CACNA1A: variants seen among roughly 807,000 people sequenced by gnomAD.
CACNA1A encodes the protein voltage-dependent P/Q-type calcium channel subunit alpha-1A.
Under a neutral mutation model 262.4 loss-of-function variants are expected in CACNA1A, and 57 were observed. The ratio of observed to expected loss-of-function variants is 0.22; its 90% confidence interval spans 0.18 to 0.27. The LOEUF (loss-of-function observed/expected upper bound fraction) is 0.27, where lower values mean the gene tolerates loss of function less well. CACNA1A is among the 10% of genes least tolerant of loss of function. The pLI, the probability that CACNA1A is intolerant of heterozygous loss-of-function variation, is 1.00. For synonymous variants in CACNA1A, 1,431 were observed against 1,419.3 expected (o/e 1.01, Z -0.18); for missense variants, 2,526 against 3,562.8 (o/e 0.71, Z 7.41).
intron 3 of CACNA1A, among the ~76,000 whole-genome samples, chr19:13,421,156 C>T (rs1411633825): frequency 2.0e-5 from 3 of 152,164 alleles, no homozygotes; most frequent in South Asian, 2.1e-4. Flanking sequence ...AAGAGGGCAA[C>T]AGGAGCCTGA....
chr19:13,276,951 A>G (rs747472855), intron 23 of CACNA1A, 118 bp downstream of exon 23: 4 of 665,222 alleles, frequency 6.0e-6, no homozygotes, highest in Non-Finnish European at 1.1e-5. Context: ...ATCTCAAGTG[A>G]TCTGCCTGCC....
chr19:13,298,555 A>T lies in CACNA1A; in HGVS notation c.3078T>A (p.His1026Gln), dbSNP rs1202322408. The T allele has an allele frequency of 1.5e-5, 23 of 1,542,874 alleles. No individual in the cohort carries two copies. Among genetic ancestry groups the T allele is most frequent in the African/African-American group, 2.8e-5 (2 of 71,592 alleles). Residue 1026 changes from histidine (H) to glutamine (Q), a missense_variant, in exon 19 of 47, where the codon CAT becomes CAA. His to Gln is a conservative substitution (Grantham distance 24). This residue lies in a region of CACNA1A where 765 missense variants were observed against 748.6 expected (regional missense o/e 1.02). Coordinates refer to ENST00000360228, the MANE Select transcript of CACNA1A (RefSeq NM_001127222.2). ...TCACCTCCACTTACTTCCTCCTCCGATGCCTCCGCTCCTTGTCCTCCCTCC... is the reference window on the plus strand; with the variant it reads ...TCACCTCCACTTACTTCCTCCTCCGTTGCCTCCGCTCCTTGTCCTCCCTCC... ...DARREDKERR[H>Q]RRRKENQGSG...
intron 3 of CACNA1A, among the ~76,000 whole-genome samples, chr19:13,450,005 G>A (rs2060885692): frequency 6.6e-6 from 1 of 152,094 alleles, no homozygotes; most frequent in Non-Finnish European, 1.5e-5. Context: ...GCTAGATGTT[G>A]TGGTACACGC....
rs1030165715 is a variant in CACNA1A, at chr19:13,206,577, TTTC to T, written c.*733_*735del. 1.5e-4 allele frequency: 23 copies of T among 154,114 alleles called. No individual in the cohort carries two copies. Among genetic ancestry groups the T allele is most frequent in the East Asian group, 1.2e-3 (6 of 5,182 alleles). The allele number at this position is 154,114 out of a possible 1,614,324, so 9.5% of individuals were successfully genotyped here. ...AAGGAATCGGTGGTGATGGTGGGTT[TTTC>T]TTCTTCTTTTGTTGTTTCAAGCAGG... On this transcript the variant is annotated 3_prime_UTR_variant, in exon 47 of 47. Coordinates refer to ENST00000360228, the MANE Select transcript of CACNA1A (RefSeq NM_001127222.2).
At chr19:13,435,393 A>G (rs2060591497) in intron 3 of CACNA1A, among the ~76,000 whole-genome samples, 1 of 151,892 alleles carries the variant, frequency 6.6e-6, no homozygotes, top group South Asian at 2.1e-4. Flanking sequence ...AGCATAAGCC[A>G]TCACGCCCAG....
rs753890670 is a variant in CACNA1A, at chr19:13,281,379, T to TAA, written c.3822+1886_3822+1887dup. Among the ~76,000 whole-genome samples, 538 of 102,744 alleles carry TAA rather than the reference T, an allele frequency of 5.2e-3. 6 individuals are homozygous for TAA. The highest frequency in any genetic ancestry group is 0.017 in the African/African-American group (455 of 26,942). The allele number at this position is 102,744 out of a possible 152,430, so 67.4% of individuals were successfully genotyped here. ...GGCGACAGAGAGAGACATTGTCTCTTAAAAAAAAAAAAAAAAAAAGCCTGT... is the reference window on the plus strand; with the variant it reads ...GGCGACAGAGAGAGACATTGTCTCTTAAAAAAAAAAAAAAAAAAAAAGCCTGT... On this transcript the variant is annotated intron_variant, in intron 22 of 46. Transcript: ENST00000360228.
In CACNA1A at chr19:13,208,957, C is replaced by T; in HGVS notation, c.6579G>A (p.Lys2193=). The T allele has an allele frequency of 6.5e-7, 1 of 1,537,654 alleles. No individual in the cohort carries two copies. Among genetic ancestry groups the T allele is most frequent in the South Asian group, 1.2e-5 (1 of 84,060 alleles). The change falls in exon 46 of 47, where the codon AAG becomes AAA. Residue 2193 remains lysine, a synonymous_variant. Coordinates refer to ENST00000360228, the MANE Select transcript of CACNA1A (RefSeq NM_001127222.2). ...GCCGGCCCCGCTCCTGGTCCCGCTC[C>T]TTCGACGGCAGGTCCCCGGATTGGG... ...MTTQSGDLPS[K]ERDQERGRPK... is the part of the protein sequence containing the mutation.
chr19:13,341,603 C>A (rs1047846131), intron 6 of CACNA1A, among the ~76,000 whole-genome samples: 4 of 152,168 alleles, frequency 2.6e-5, no homozygotes, highest in Non-Finnish European at 5.9e-5. Flanking sequence ...TCGGCCCTTG[C>A]ACAGGCTGTC....
intron 3 of CACNA1A, among the ~76,000 whole-genome samples, chr19:13,422,969 T>C (rs982201887): frequency 2.0e-5 from 3 of 152,244 alleles, no homozygotes; most frequent in Non-Finnish European, 4.4e-5. Context: ...TCTTCCACTG[T>C]AATAAACCAT....
intron 1 of CACNA1A, among the ~76,000 whole-genome samples, chr19:13,502,012 G>C (rs1003813450): frequency 1.2e-4 from 19 of 152,132 alleles, no homozygotes; most frequent in Admixed American, 9.8e-4. Flanking sequence ...CTAGTACAAG[G>C]ATCACGTAAG....
intron 43 of CACNA1A, 198 bp from the exon 44 acceptor site, chr19:13,210,850 C>T (rs933197517): frequency 4.9e-5 from 31 of 637,004 alleles, no homozygotes; most frequent in Non-Finnish European, 7.9e-5. Flanking sequence ...GTGTCCCAGG[C>T]CCCCGGGGCT....
At chr19:13,245,681 T>C (rs2144694352) in intron 30 of CACNA1A, 2 of 160,948 alleles carry the variant, frequency 1.2e-5, no homozygotes, top group African/African-American at 4.9e-5. Context: ...CTTTTTTTTT[T>C]TTTTTTTTGA....
At chr19:13,467,631 G>T (rs569046003) in intron 1 of CACNA1A, among the ~76,000 whole-genome samples, 1 of 149,036 alleles carries the variant, frequency 6.7e-6, no homozygotes, top group Admixed American at 6.7e-5. Context: ...GTGAGACAGA[G>T]TCTCAGTCTG....
chr19:13,497,287 A>C (rs770195341), intron 1 of CACNA1A, among the ~76,000 whole-genome samples: 7 of 150,704 alleles, frequency 4.6e-5, no homozygotes, highest in Non-Finnish European at 1.0e-4. Context: ...TAAAATTAAC[A>C]CCTCGAATTC....
In CACNA1A at chr19:13,214,984, C is replaced by T; in HGVS notation, c.5732-376G>A. On this transcript the variant is annotated intron_variant, in intron 38 of 46. Transcript: ENST00000360228. The surrounding 1 kb of genome is among the most constrained non-coding windows in gnomAD (Gnocchi z 4.1). ...GAGATGATAGCAAGAGTACTTGCCT[C>T]ACCTGGTTGTTGTGTGTGTGTGTGT... 1 of 197,294 alleles carries T rather than the reference C, an allele frequency of 5.1e-6. No homozygotes were observed. Among genetic ancestry groups the T allele is most frequent in the Non-Finnish European group, 1.0e-5 (1 of 96,428 alleles). The allele number at this position is 197,294 out of a possible 1,614,324, so 12.2% of individuals were successfully genotyped here.
At chr19:13,461,196 T>C (rs1452438565) in intron 1 of CACNA1A, among the ~76,000 whole-genome samples, 1 of 151,978 alleles carries the variant, frequency 6.6e-6, no homozygotes, top group Non-Finnish European at 1.5e-5. Flanking sequence ...AAAAATTAGC[T>C]GGGCATAGTG....
intron 38 of CACNA1A, among the ~76,000 whole-genome samples, chr19:13,216,329 ATTATTT>A (rs2055009410): frequency 6.6e-6 from 1 of 151,858 alleles, no homozygotes; most frequent in Non-Finnish European, 1.5e-5. Context: ...AGCATTTATT[ATTATTT>A]TTATTATTGT....
intron 12 of CACNA1A, among the ~76,000 whole-genome samples, chr19:13,309,671 C>CA (rs2057977587): frequency 6.6e-6 from 1 of 151,742 alleles, no homozygotes; most frequent in Non-Finnish European, 1.5e-5. Context: ...CTAGCCTGGG[C>CA]AACAGAGCAA....
At chr19:13,471,802 G>A (rs1414511919) in intron 1 of CACNA1A, among the ~76,000 whole-genome samples, 1 of 152,132 alleles carries the variant, frequency 6.6e-6, no homozygotes. Flanking sequence ...GGAGGATGAG[G>A]AGCAACTGCC....
Sources: allele counts gnomAD v4.1 joint callset (sites outside exome capture counted in the v4.1 genomes callset), GRCh38; gene constraint gnomAD v4.1.1; regional missense constraint gnomAD v4.1.1; non-coding constraint Gnocchi (gnomAD v3.1); transcripts MANE v1.5; gene names NCBI Gene and HGNC (gene_info 2026-07-23, HGNC 2026-07-21).